GGA3: variants seen among roughly 807,000 people sequenced by gnomAD.
GGA3 encodes the protein golgi associated, gamma adaptin ear containing, ARF binding protein 3.
GGA3 carries 57 observed loss-of-function variants against 77.5 expected under a neutral mutation model. The ratio of observed to expected loss-of-function variants is 0.74; its 90% CI spans 0.59 to 0.92. The LOEUF (loss-of-function observed/expected upper bound fraction) is 0.92. GGA3 is among the 40% of genes least tolerant of loss of function. GGA3 has a pLI of 0.00. For synonymous variants in GGA3, 416 were observed against 383.7 expected, an observed-to-expected ratio of 1.08 and a Z score of -0.98; for missense variants, 970 against 914.9, an observed-to-expected ratio of 1.06 and a Z score of -0.78.
chr17:75,259,346 T>C (rs1334953505), intron 1 of GGA3, among the ~76,000 whole-genome samples: 3 of 152,072 alleles, frequency 2.0e-5, no homozygotes, highest in Non-Finnish European at 2.9e-5. Context: ...CATTGATTGA[T>C]TGATCATGGT....
rs940254227 is a variant in GGA3 at position 75,238,947 on chromosome 17, G to A, written c.1917C>T (p.Val639=). ...CTGCAGCCTGCAGCACGATGCTCTT[G>A]ACAGGTAAGGGAGCCGTGTTCAGCA... The part of the protein sequence containing the change: ...VSMLNTAPLP[V]KSIVLQAAVP... The change falls in exon 15 of 17, where the codon GTC becomes GTT. Residue 639 remains valine, a synonymous_variant. Coordinates refer to ENST00000537686, the MANE Select transcript of GGA3 (RefSeq NM_138619.4). 1 of 1,614,118 alleles carries A rather than the reference G, an allele frequency of 6.2e-7. No homozygotes were observed. Among genetic ancestry groups the A allele is most frequent in the Non-Finnish European group, 8.5e-7 (1 of 1,180,016 alleles).
upstream of GGA3, chr17:75,261,699 G>T: frequency 8.4e-7 from 1 of 1,186,548 alleles, no homozygotes; most frequent in Non-Finnish European, 1.2e-6. Context: ...ACCGAGGGCC[G>T]CGCCAGACTG....
At chr17:75,262,326 A>G, upstream of GGA3, 1 of 768,970 alleles carries the variant, frequency 1.3e-6, no homozygotes, top group Non-Finnish European at 2.2e-6. Flanking sequence ...CTGCTTGGGG[A>G]ATGTCCTCCT....
chr17:75,237,316 C>T lies in GGA3; in HGVS notation c.*963G>A. On this transcript the variant is annotated 3_prime_UTR_variant, in exon 17 of 17. Transcript: ENST00000537686. Reference sequence around the variant, plus strand: ...ACATTAGGACATATGTCTAGTGTAACATTTGTGATCCTGAGGCCTCCTGTG... The same window carrying T: ...ACATTAGGACATATGTCTAGTGTAATATTTGTGATCCTGAGGCCTCCTGTG... 2 of 665,982 alleles carry T rather than the reference C, an allele frequency of 3.0e-6. No individual in the cohort carries two copies. The highest frequency in any genetic ancestry group is 5.3e-6 in the Non-Finnish European group (2 of 374,940). The allele number at this position is 665,982 out of a possible 1,614,324, so 41.3% of individuals were successfully genotyped here.
At chr17:75,239,198 C>G (rs948976765) in intron 14 of GGA3, 115 bp from the exon 15 acceptor site, 2 of 1,079,166 alleles carry the variant, frequency 1.9e-6, no homozygotes, top group Admixed American at 2.6e-5. Context: ...TGCTTCCTAA[C>G]GGAATCTGGG....
At chr17:75,241,752 A>C (rs2076568029) in intron 8 of GGA3, 56 bp from the exon 9 acceptor site, 1 of 1,432,558 alleles carries the variant, frequency 7.0e-7, no homozygotes, top group East Asian at 2.3e-5. Flanking sequence ...AGATCATCTG[A>C]TTCATTCAGG....
At chr17:75,242,604 G>T in intron 7 of GGA3, 131 bp from the exon 8 acceptor site, 1 of 1,080,906 alleles carries the variant, frequency 9.3e-7, no homozygotes, top group Non-Finnish European at 1.4e-6. Context: ...GGTGCCTGGG[G>T]CCCAGTCTAT....
chr17:75,254,085 TC>T (rs2077061124), intron 1 of GGA3, among the ~76,000 whole-genome samples: 1 of 152,152 alleles, frequency 6.6e-6, no homozygotes, highest in Non-Finnish European at 1.5e-5. Flanking sequence ...CTTCGTTCCC[TC>T]TCAAGTCTCT....
At chr17:75,239,742 A>G in intron 13 of GGA3, 47 bp downstream of exon 13, 1 of 1,597,508 alleles carries the variant, frequency 6.3e-7, no homozygotes, top group Non-Finnish European at 8.6e-7. Context: ...GTTCTGACAC[A>G]TTCAGGCCCA....
At chr17:75,243,011 T>G (rs750476180) in intron 6 of GGA3, 52 bp downstream of exon 6, 54 of 1,513,508 alleles carry the variant, frequency 3.6e-5, no homozygotes, top group Non-Finnish European at 4.8e-5. Flanking sequence ...CACATTCCCC[T>G]GCTGCCACCC....
In GGA3 at chr17:75,238,160, G is replaced by A. The variant is rs1353458988; in HGVS notation, c.*119C>T. ...CTCAGCAGAAATGCCCAGGGCCCCT[G>A]TTCCACATCAAAGCTACAAGCACTG... On this transcript the variant is annotated 3_prime_UTR_variant, in exon 17 of 17. Transcript: ENST00000537686. 1.3e-6 allele frequency: 2 copies of A among 1,489,548 alleles called. No individual in the cohort carries two copies. The highest frequency in any genetic ancestry group is 1.8e-6 in the Non-Finnish European group (2 of 1,122,054). The allele number at this position is 1,489,548 out of a possible 1,614,324, so 92.3% of individuals were successfully genotyped here.
At chr17:75,258,388 C>A (rs1367748747) in intron 1 of GGA3, among the ~76,000 whole-genome samples, 2 of 152,190 alleles carry the variant, frequency 1.3e-5, no homozygotes, top group Non-Finnish European at 2.9e-5. Flanking sequence ...TTCGGCTGGG[C>A]TGGGCGTGGT....
At chr17:75,242,955 C>G in intron 6 of GGA3, 44 bp from the exon 7 acceptor site, 1 of 1,542,982 alleles carries the variant, frequency 6.5e-7, no homozygotes, top group Non-Finnish European at 9.0e-7. Flanking sequence ...AGGCAGCACC[C>G]GTACCCCAGG....
intron 6 of GGA3, 63 bp from the exon 7 acceptor site, chr17:75,242,974 A>C: frequency 6.7e-7 from 1 of 1,490,396 alleles, no homozygotes; most frequent in Non-Finnish European, 9.4e-7. Context: ...GGGAAACCCC[A>C]GAGGCTCCCC....
rs1555591689 is a variant in GGA3 at position 75,257,288 on chromosome 17, C to CAA, written c.40+4259_40+4260insTT. On this transcript the variant is annotated intron_variant, in intron 1 of 16. Transcript: ENST00000537686. ...ACCAACTTAGACTGTGCCCCCCCCC[C>CAA]CAAAAAAAACCTGTCATCATCCCTA... Among the ~76,000 whole-genome samples, 11 of 133,482 alleles carry CAA rather than the reference C, an allele frequency of 8.2e-5. No homozygotes were observed. In the South Asian group the frequency reaches 1.3e-3, roughly 15 times the overall value. 87.6% of individuals were successfully genotyped at this position (133,482 alleles called of 152,430 possible). A position where few individuals can be genotyped will look rare whatever the true frequency, so the allele number is the denominator to read the frequency against.
rs1476631511 is a variant in GGA3, at chr17:75,248,177, T to C, written c.41-1381A>G. Among the ~76,000 whole-genome samples, 8 of 152,176 alleles carry C rather than the reference T, an allele frequency of 5.3e-5. No homozygotes were observed. In the East Asian group the frequency reaches 1.5e-3, roughly 29 times the overall value. On this transcript the variant is annotated intron_variant, in intron 1 of 16. Transcript: ENST00000537686. ...AATTGTATTTTGTTAACTTTAAAAA[T>C]CACCAGCTACGGGGCCGGGCGTGGT...
chr17:75,261,907 G>A, upstream of GGA3: 2 of 1,608,596 alleles, frequency 1.2e-6, no homozygotes, highest in Non-Finnish European at 8.5e-7. Flanking sequence ...CAAGATGGCT[G>A]CCCCCGCAGT....
intron 1 of GGA3, among the ~76,000 whole-genome samples, chr17:75,252,821 T>G (rs1223370195): frequency 6.6e-6 from 1 of 152,230 alleles, no homozygotes; most frequent in Non-Finnish European, 1.5e-5. Context: ...AAGAAGGTTC[T>G]TCGTAATTCT....
intron 16 of GGA3, 95 bp from the exon 17 acceptor site, chr17:75,238,484 C>A: frequency 8.6e-7 from 1 of 1,158,464 alleles, no homozygotes; most frequent in Non-Finnish European, 1.3e-6. Flanking sequence ...AGGAATGGTC[C>A]CTTTTCCCCG....
Sources: gnomAD v4.1 joint callset for allele counts (sites outside exome capture counted in the v4.1 genomes callset) on GRCh38, gnomAD v4.1.1 for gene constraint, MANE v1.5 for transcripts, NCBI Gene and HGNC (gene_info 2026-07-23, HGNC 2026-07-21) for gene names.